Variants in PHF20L1 observed in about 807,000 individuals in gnomAD.
PHF20L1 encodes the protein PHD finger protein 20 like 1.
PHF20L1 carries 44 observed loss-of-function variants against 125.5 expected under a neutral mutation model. The ratio of observed to expected loss-of-function variants is 0.35; its 90% CI spans 0.28 to 0.45. The LOEUF (loss-of-function observed/expected upper bound fraction) is 0.45, where lower values mean the gene tolerates loss of function less well. Ranked by LOEUF, PHF20L1 falls within the 20% of genes least tolerant of loss-of-function variation. The probability of loss-of-function intolerance (pLI) is 1.00; values close to 1 mark genes in which losing one functional copy is unlikely to be tolerated. For missense variants in PHF20L1, 1,012 were observed against 1,217.2 expected (o/e 0.83, Z 2.51); for synonymous variants, 380 against 403.1 (o/e 0.94, Z 0.69).
chr8:132,823,767 C>T (rs1835855788), intron 12 of PHF20L1, among the ~76,000 whole-genome samples: 1 of 151,800 alleles, frequency 6.6e-6, no homozygotes, highest in South Asian at 2.1e-4. Context: ...AGTGGTGGAA[C>T]CAGATGTTGA....
intron 18 of PHF20L1, 21 bp downstream of exon 18, chr8:132,839,603 G>T: frequency 6.3e-7 from 1 of 1,577,050 alleles, no homozygotes; most frequent in Non-Finnish European, 8.7e-7. Context: ...GGCAGCAAAG[G>T]GAGGGTCACA....
In PHF20L1 at chr8:132,846,035, C is replaced by A; in HGVS notation, c.*112C>A. 1.3e-6 allele frequency: 1 copy of A among 775,740 alleles called. No homozygotes were observed. The highest frequency in any genetic ancestry group is 2.0e-6 in the Non-Finnish European group (1 of 491,356). The allele number at this position is 775,740 out of a possible 1,614,324, so 48.1% of individuals were successfully genotyped here. On this transcript the variant is annotated 3_prime_UTR_variant, in exon 21 of 21. Coordinates refer to ENST00000395386, the MANE Select transcript of PHF20L1 (RefSeq NM_016018.5). ...AAGCTTAGTAATGTCTGGTCATTCA[C>A]TGATTTGTGATGTCAATAGGATGGC...
At chr8:132,784,728 C>T (rs1830819538) in intron 2 of PHF20L1, among the ~76,000 whole-genome samples, 1 of 152,208 alleles carries the variant, frequency 6.6e-6, no homozygotes, top group African/African-American at 2.4e-5. Flanking sequence ...ATAGTGATCT[C>T]TCCACTATAA....
At chr8:132,781,589 C>T (rs1830436602) in intron 2 of PHF20L1, among the ~76,000 whole-genome samples, 2 of 151,962 alleles carry the variant, frequency 1.3e-5, no homozygotes, top group African/African-American at 4.8e-5. Context: ...CCACCATGCC[C>T]AGCTAATTTT....
At chr8:132,843,879 G>A in intron 19 of PHF20L1, 5 of 985,246 alleles carry the variant, frequency 5.1e-6, no homozygotes, top group Non-Finnish European at 6.0e-6. Context: ...TTACACAATA[G>A]AATTAGTGAC....
intron 8 of PHF20L1, among the ~76,000 whole-genome samples, chr8:132,806,171 A>G (rs1833672991): frequency 6.6e-6 from 1 of 151,916 alleles, no homozygotes; most frequent in Non-Finnish European, 1.5e-5. Flanking sequence ...TTTTCCTTCA[A>G]TTTGGATAAC....
At chr8:132,791,997 TAA>T (rs768267761) in intron 2 of PHF20L1, among the ~76,000 whole-genome samples, 3 of 152,234 alleles carry the variant, frequency 2.0e-5, no homozygotes, top group Non-Finnish European at 2.9e-5. Flanking sequence ...TTTACTGAAT[TAA>T]GTCATGTTGT....
At chr8:132,819,612 T>G (rs1444773449) in intron 12 of PHF20L1, among the ~76,000 whole-genome samples, 1 of 151,826 alleles carries the variant, frequency 6.6e-6, no homozygotes, top group Non-Finnish European at 1.5e-5. Flanking sequence ...TTGCAGTATT[T>G]GTTATGCTTC....
At chr8:132,842,450 G>T (rs1467208414) in intron 18 of PHF20L1, 65 bp from the exon 19 acceptor site, 4 of 1,415,678 alleles carry the variant, frequency 2.8e-6, no homozygotes, top group Non-Finnish European at 3.8e-6. Context: ...ATAGATCATT[G>T]TATTCAGCTT....
At chr8:132,845,157 T>C (rs1838308887) in intron 20 of PHF20L1, among the ~76,000 whole-genome samples, 1 of 152,112 alleles carries the variant, frequency 6.6e-6, no homozygotes, top group Non-Finnish European at 1.5e-5. Context: ...TGATACTATT[T>C]CATATTATTA....
Position 132,804,698 on chromosome 8 carries a change from A to T in PHF20L1, c.805A>T (p.Asn269Tyr). Residue 269 changes from asparagine to tyrosine, a missense_variant, in exon 8 of 21, where the codon AAC (asparagine) becomes TAC (tyrosine). Asn to Tyr is a moderately radical substitution (Grantham distance 143). Transcript: ENST00000395386. ...AAACAAGAGGAAAAATAATCAAGGC[A>T]ACTCGTTTCAGGCAAAGAGAGCTCG... is the stretch of plus-strand genomic sequence containing the variant. ...LSNKRKNNQG[N>Y]SFQAKRARLN... 1 of 1,610,948 alleles carries T rather than the reference A, an allele frequency of 6.2e-7. No individual in the cohort carries two copies. The highest frequency in any genetic ancestry group is 8.5e-7 in the Non-Finnish European group (1 of 1,177,804).
At chr8:132,795,079 CA>C (rs1486299429) in intron 4 of PHF20L1, among the ~76,000 whole-genome samples, 2 of 152,088 alleles carry the variant, frequency 1.3e-5, no homozygotes, top group African/African-American at 4.8e-5. Flanking sequence ...AGGCTTATAT[CA>C]TATACATTTT....
intron 15 of PHF20L1, among the ~76,000 whole-genome samples, chr8:132,835,916 T>A (rs1340504673): frequency 2.0e-5 from 3 of 152,156 alleles, no homozygotes; most frequent in Non-Finnish European, 4.4e-5. Context: ...ATTGTTGATT[T>A]TAGACCCTAG....
intron 14 of PHF20L1, 52 bp downstream of exon 14, chr8:132,825,423 T>G: frequency 3.6e-6 from 5 of 1,383,990 alleles, no homozygotes; most frequent in Non-Finnish European, 3.8e-6. Flanking sequence ...TGAAGTTTCC[T>G]TTGATTCCCC....
chr8:132,817,176 T>A, intron 11 of PHF20L1, 100 bp downstream of exon 11: 1 of 926,546 alleles, frequency 1.1e-6, no homozygotes, highest in Non-Finnish European at 1.6e-6. Context: ...TCTGCTCTTA[T>A]ATCTTCTGGA....
chr8:132,784,993 C>T (rs1830851627), intron 2 of PHF20L1, among the ~76,000 whole-genome samples: 1 of 152,168 alleles, frequency 6.6e-6, no homozygotes, highest in African/African-American at 2.4e-5. Context: ...ATCAAACCTC[C>T]AAGCTGATGA....
intron 8 of PHF20L1, among the ~76,000 whole-genome samples, chr8:132,805,470 A>C (rs968331384): frequency 3.3e-5 from 5 of 151,968 alleles, no homozygotes; most frequent in African/African-American, 1.2e-4. Context: ...CTAGTCTTCA[A>C]AAGAAATTGT....
rs956845564 is a variant in PHF20L1 at position 132,846,882 on chromosome 8, A to G, written c.*959A>G. 1 of 152,584 alleles carries G rather than the reference A, an allele frequency of 6.6e-6. No individual in the cohort carries two copies. The highest frequency in any genetic ancestry group is 2.4e-5 in the African/African-American group (1 of 41,444). The allele number at this position is 152,584 out of a possible 1,614,324, so 9.5% of individuals were successfully genotyped here. A position where few individuals can be genotyped will look rare whatever the true frequency, so the allele number is the denominator to read the frequency against. On this transcript the variant is annotated 3_prime_UTR_variant, in exon 21 of 21. Transcript: ENST00000395386. Reference sequence around the variant, plus strand: ...CTCAGCTGGGATGAGGAGTGACAGAATATCAAAATAATTTGTGGCTGTGGA... The same window carrying G: ...CTCAGCTGGGATGAGGAGTGACAGAGTATCAAAATAATTTGTGGCTGTGGA...
intron 13 of PHF20L1, 42 bp from the exon 14 acceptor site, chr8:132,825,221 AG>A (rs1357792935): frequency 2.5e-6 from 4 of 1,591,006 alleles, no homozygotes; most frequent in East Asian, 2.3e-5. Flanking sequence ...GGAACAACTC[AG>A]GATCAGTCGT....
Sources: gnomAD v4.1 joint callset for allele counts (sites outside exome capture counted in the v4.1 genomes callset) on GRCh38, gnomAD v4.1.1 for gene constraint, MANE v1.5 for transcripts, NCBI Gene and HGNC (gene_info 2026-07-23, HGNC 2026-07-21) for gene names.